Variants in WWP1 observed in about 807,000 individuals in gnomAD.
WWP1 encodes the protein WW domain containing E3 ubiquitin protein ligase 1, also known as NEDD4-like E3 ubiquitin-protein ligase WWP1.
WWP1 carries 49 observed loss-of-function variants against 130.6 expected under a neutral mutation model. That is an observed-to-expected ratio of 0.38 (90% CI 0.30 to 0.48). WWP1 has a LOEUF of 0.48. Among genes scored for constraint, WWP1 ranks in the 20% least tolerant of loss-of-function variants. The pLI is 0.99. For missense variants in WWP1, 809 were observed against 1,100.6 expected (o/e 0.74, Z 3.75); for synonymous variants, 332 against 367.8 (o/e 0.90, Z 1.11).
chr8:86,346,377 T>C (rs936122369), intron 1 of WWP1, among the ~76,000 whole-genome samples: 1 of 152,128 alleles, frequency 6.6e-6, no homozygotes, highest in Non-Finnish European at 1.5e-5. Context: ...GAGCCGAGAT[T>C]GCGCCACTAC....
chr8:86,456,884 T>C (rs1029524490), intron 21 of WWP1, among the ~76,000 whole-genome samples: 3 of 152,028 alleles, frequency 2.0e-5, no homozygotes, highest in Middle Eastern at 6.8e-3. Flanking sequence ...CACAAAAATA[T>C]GTATGTATGC....
rs529770428 is a variant in WWP1, at chr8:86,344,302, A to T, written c.-115+1372A>T. 3.3e-5 allele frequency among the ~76,000 whole-genome samples: 5 copies of T among 152,332 alleles called. 1 individual carries two copies. The South Asian group carries it at 1.0e-3, about 32-fold the overall frequency. ...AAATGTGAAACTGCTGGTAAGATCT[A>T]CATCAGGGTTTTGAAAAGCAATAAT... On this transcript the variant is annotated intron_variant, in intron 1 of 24. Coordinates refer to ENST00000517970, the MANE Select transcript of WWP1 (RefSeq NM_007013.4).
Position 86,422,319 on chromosome 8 carries a change from GTATTTATTTATT to G in WWP1, c.1062-2872_1062-2861del, listed in dbSNP as rs55854341. Among the ~76,000 whole-genome samples the G allele has an allele frequency of 8.5e-3, 1,257 of 148,076 alleles. 12 individuals carry two copies. The highest frequency in any genetic ancestry group is 0.024 in the African/African-American group (987 of 40,570). On this transcript the variant is annotated intron_variant, in intron 9 of 24. Transcript: ENST00000517970. ...GTCTTAAACTCAGAAGTACCAGTTTGTATTTATTTATTTATTTATTTATTTATTTATTTATTT... is the reference window on the plus strand; with the variant it reads ...GTCTTAAACTCAGAAGTACCAGTTTGTATTTATTTATTTATTTATTTATTT...
At chr8:86,345,493 T>C (rs1294201481) in intron 1 of WWP1, among the ~76,000 whole-genome samples, 1 of 152,106 alleles carries the variant, frequency 6.6e-6, no homozygotes, top group Non-Finnish European at 1.5e-5. Context: ...CATTGCAACC[T>C]CCGCCTCCCA....
chr8:86,392,778 A>G (rs1807429899), intron 5 of WWP1, among the ~76,000 whole-genome samples: 1 of 151,474 alleles, frequency 6.6e-6, no homozygotes, highest in Admixed American at 6.6e-5. Context: ...AAACTCAGAT[A>G]TTTTGAAGTC....
intron 5 of WWP1, among the ~76,000 whole-genome samples, chr8:86,394,363 C>G (rs1406407614): frequency 6.6e-6 from 1 of 152,174 alleles, no homozygotes; most frequent in Non-Finnish European, 1.5e-5. Flanking sequence ...AGAGTAAGTT[C>G]CCCTAGGACA....
At chr8:86,381,686 C>T in intron 5 of WWP1, 57 bp downstream of exon 5, 3 of 1,453,184 alleles carry the variant, frequency 2.1e-6, no homozygotes, top group South Asian at 3.0e-5. Context: ...ACACTTTGAA[C>T]ATATCCTGAA....
chr8:86,421,263 G>A (rs1028864671), intron 9 of WWP1, among the ~76,000 whole-genome samples: 1 of 152,076 alleles, frequency 6.6e-6, no homozygotes, highest in African/African-American at 2.4e-5. Context: ...TTGTGATCCC[G>A]AGTCAGTTCT....
intron 5 of WWP1, 48 bp downstream of exon 5, chr8:86,381,677 C>T (rs200329390): frequency 1.3e-6 from 2 of 1,486,230 alleles, no homozygotes; most frequent in East Asian, 2.5e-5. Context: ...TTATTTTAGA[C>T]ACTTTGAACA....
intron 1 of WWP1, among the ~76,000 whole-genome samples, chr8:86,362,175 T>C (rs1476124384): frequency 1.6e-5 from 2 of 121,464 alleles, no homozygotes; most frequent in Non-Finnish European, 3.4e-5. Flanking sequence ...TATATATATA[T>C]ATATATATAT....
Position 86,465,296 on chromosome 8 carries a change from G to A in WWP1, c.2670-1498G>A, listed in dbSNP as rs79187658. ...AGTTTTTGAAGAGTGGCATAAACTG[G>A]TATGTCTTTTTAGCAAAAAGTAAAA... On this transcript the variant is annotated intron_variant, in intron 24 of 24. Transcript: ENST00000517970. Among the ~76,000 whole-genome samples the A allele has an allele frequency of 4.4e-3, 662 of 151,336 alleles. 6 individuals carry two copies. Among genetic ancestry groups the A allele is most frequent in the African/African-American group, 0.015 (629 of 41,348 alleles).
chr8:86,392,536 G>T (rs555629001), intron 5 of WWP1, among the ~76,000 whole-genome samples: 8 of 152,038 alleles, frequency 5.3e-5, no homozygotes, highest in Non-Finnish European at 1.2e-4. Flanking sequence ...AGTTCAATTC[G>T]AAGTAAATTA....
At chr8:86,425,199 G>GTTT (rs1485340389) in intron 9 of WWP1, 24 bp from the exon 10 acceptor site, 35 of 1,586,382 alleles carry the variant, frequency 2.2e-5, no homozygotes, top group Non-Finnish European at 2.9e-5. Flanking sequence ...GTCTCTTACT[G>GTTT]TTATTTTTGT....
intron 1 of WWP1, among the ~76,000 whole-genome samples, chr8:86,344,530 A>AGG (rs1822451099): frequency 6.6e-6 from 1 of 152,228 alleles, no homozygotes; most frequent in Non-Finnish European, 1.5e-5. Flanking sequence ...CACACTAATT[A>AGG]GGTAGATAGT....
chr8:86,439,440 C>T (rs1025050223), intron 17 of WWP1, among the ~76,000 whole-genome samples: 1 of 152,228 alleles, frequency 6.6e-6, no homozygotes, highest in Non-Finnish European at 1.5e-5. Flanking sequence ...GAGATTCCCC[C>T]AACCTTGGTC....
At chr8:86,377,844 T>C (rs1824761200) in intron 3 of WWP1, among the ~76,000 whole-genome samples, 1 of 152,178 alleles carries the variant, frequency 6.6e-6, no homozygotes, top group East Asian at 1.9e-4. Flanking sequence ...TTTTTAGCTA[T>C]TGTGTCTTCT....
At position 86,411,884 on chromosome 8, in the gene WWP1, G is replaced by A. The variant is rs1808607184; in HGVS notation, c.1061+10G>A. The A allele has an allele frequency of 1.9e-6, 3 of 1,579,796 alleles. No homozygotes were observed. Among genetic ancestry groups the A allele is most frequent in the African/African-American group, 1.4e-5 (1 of 73,632 alleles). ...AAACCTTGCCATCAGGGTATGTTAA[G>A]CTTTTTAATGTCTGACTTGCATTTA... On this transcript the variant is annotated intron_variant, in intron 9 of 24. Coordinates refer to ENST00000517970, the MANE Select transcript of WWP1 (RefSeq NM_007013.4).
At chr8:86,376,440 A>G (rs1824658810) in intron 3 of WWP1, among the ~76,000 whole-genome samples, 2 of 152,106 alleles carry the variant, frequency 1.3e-5, no homozygotes, top group African/African-American at 4.8e-5. Flanking sequence ...ATAGTGGCAC[A>G]TGCCTGTAAT....
chr8:86,431,738 A>G lies in WWP1; in HGVS notation c.1596A>G (p.Ser532=). 1.9e-6 allele frequency: 3 copies of G among 1,613,870 alleles called. No individual in the cohort carries two copies. Among genetic ancestry groups the G allele is most frequent in the Non-Finnish European group, 2.5e-6 (3 of 1,179,876 alleles). The part of the protein sequence containing the change: ...TTFKDPRNGK[S]SVTKGGPQIA... Reference sequence around the variant, plus strand: ...TCAAAGATCCTCGCAATGGGAAGTCATCTGTGTGAGTGAAAACCTGAAGTT... The same window carrying G: ...TCAAAGATCCTCGCAATGGGAAGTCGTCTGTGTGAGTGAAAACCTGAAGTT... The change falls in exon 14 of 25, where the codon TCA becomes TCG. Residue 532 remains serine, a synonymous_variant. Coordinates refer to ENST00000517970, the MANE Select transcript of WWP1 (RefSeq NM_007013.4).
Sources: gnomAD v4.1 joint callset for allele counts (sites outside exome capture counted in the v4.1 genomes callset) on GRCh38, gnomAD v4.1.1 for gene constraint, MANE v1.5 for transcripts, NCBI Gene and HGNC (gene_info 2026-07-23, HGNC 2026-07-21) for gene names.